The following ITGAM variants were observed in gnomAD, a reference collection of about 807,000 sequenced individuals.
The protein encoded by ITGAM is integrin subunit alpha M.
A neutral mutation model predicts 137.5 loss-of-function variants in ITGAM; 79 were observed. The ratio of observed to expected loss-of-function variants is 0.57; its 90% CI spans 0.48 to 0.69. The LOEUF (loss-of-function observed/expected upper bound fraction) is 0.69. Among genes scored for constraint, ITGAM ranks in the 30% least tolerant of loss-of-function variants. ITGAM has a pLI of 0.00. For missense variants in ITGAM, 1,343 were observed against 1,483.5 expected (o/e 0.91, Z 1.56); for synonymous variants, 583 against 592.3 (o/e 0.98, Z 0.23).
chr16:31,272,457 ATATATATTTTTTTTTT>A (rs2079859459), intron 7 of ITGAM, among the ~76,000 whole-genome samples: 3 of 11,242 alleles, frequency 2.7e-4, no homozygotes, highest in Non-Finnish European at 4.6e-4. Context: ...ATATATATAT[ATATATATTTTTTTTTT>A]TTTTTTTTTT....
chr16:31,328,770 G>A (rs952592872), intron 23 of ITGAM, among the ~76,000 whole-genome samples: 1 of 135,924 alleles, frequency 7.4e-6, no homozygotes, highest in Non-Finnish European at 1.6e-5. Context: ...GCATGCGTGT[G>A]CGCATGGGTG....
At position 31,324,297 on chromosome 16, in the gene ITGAM, C is replaced by A; in HGVS notation, c.2003-102C>A. ...ACTCAGAGAAGTCAGATAACATACC[C>A]CAAGTCACACAGCTGAGAAGCAGAG... On this transcript the variant is annotated intron_variant, in intron 16 of 29. Coordinates refer to ENST00000544665, the MANE Select transcript of ITGAM (RefSeq NM_000632.4). The surrounding 1 kb of genome is among the most constrained non-coding windows in gnomAD (Gnocchi z 4.5). 1 of 933,966 alleles carries A rather than the reference C, an allele frequency of 1.1e-6. No homozygotes were observed. The highest frequency in any genetic ancestry group is 1.6e-6 in the Non-Finnish European group (1 of 611,778). The allele number at this position is 933,966 out of a possible 1,614,324, so 57.9% of individuals were successfully genotyped here. A position where few individuals can be genotyped will look rare whatever the true frequency, so the allele number is the denominator to read the frequency against.
intron 12 of ITGAM, among the ~76,000 whole-genome samples, chr16:31,280,512 G>A (rs2079956897): frequency 6.6e-6 from 1 of 152,162 alleles, no homozygotes. Flanking sequence ...GTGAATGGGA[G>A]TTCACTCATG....
At chr16:31,331,456 G>A (rs1399981376) in intron 29 of ITGAM, 180 bp from the exon 30 acceptor site, 1 of 651,744 alleles carries the variant, frequency 1.5e-6, no homozygotes, top group Non-Finnish European at 2.7e-6. Context: ...CGCTGAGAAC[G>A]AGTCGCCCTC....
At chr16:31,289,838 T>C (rs994693544) in intron 12 of ITGAM, among the ~76,000 whole-genome samples, 22 of 152,196 alleles carry the variant, frequency 1.4e-4, no homozygotes, top group Admixed American at 6.5e-4. Context: ...TCCCAGCACT[T>C]TGGGAGGCCG....
At chr16:31,284,851 A>T (rs1200744707) in intron 12 of ITGAM, among the ~76,000 whole-genome samples, 1 of 152,022 alleles carries the variant, frequency 6.6e-6, no homozygotes, top group African/African-American at 2.4e-5. Context: ...GCCATCTTGG[A>T]ACCTCCTCTG....
Position 31,325,305 on chromosome 16 carries a change from G to A in ITGAM, c.2406G>A (p.Val802=). The change falls in exon 20 of 30, where the codon GTG becomes GTA. Residue 802 remains valine, a synonymous_variant. Transcript: ENST00000544665. ...LVVGGPREFN[V]TVTVRNDGED... is the part of the protein sequence containing the mutation. ...TGGGTGGGCCCCGGGAGTTCAACGT[G>A]ACAGTGACTGTGAGAAATGATGGTG... 1 of 1,613,906 alleles carries A rather than the reference G, an allele frequency of 6.2e-7. No individual in the cohort carries two copies. Among genetic ancestry groups the A allele is most frequent in the Non-Finnish European group, 8.5e-7 (1 of 1,179,822 alleles).
intron 2 of ITGAM, among the ~76,000 whole-genome samples, chr16:31,262,337 A>ATCCTTCCTTCCT (rs71151462): frequency 1.6e-4 from 14 of 89,110 alleles, no homozygotes; most frequent in Admixed American, 2.6e-4. Flanking sequence ...CCTCCCTTCC[A>ATCCTTCCTTCCT]TCCTTCCTTC....
chr16:31,323,810 T>A (rs2080474810), intron 16 of ITGAM, among the ~76,000 whole-genome samples: 1 of 151,924 alleles, frequency 6.6e-6, no homozygotes, highest in African/African-American at 2.4e-5. Context: ...TGGATTACTT[T>A]GAGACCAGCC....
intron 12 of ITGAM, among the ~76,000 whole-genome samples, chr16:31,285,504 G>A (rs113177924): frequency 7.3e-4 from 111 of 152,160 alleles, no homozygotes; most frequent in African/African-American, 2.3e-3. Context: ...GCGTGGTGGC[G>A]TGTGCATCTG....
At chr16:31,286,622 T>C (rs1567259021) in intron 12 of ITGAM, among the ~76,000 whole-genome samples, 1 of 152,238 alleles carries the variant, frequency 6.6e-6, no homozygotes, top group Non-Finnish European at 1.5e-5. Context: ...CTTTTTCAAA[T>C]GTTTTTTGGC....
chr16:31,296,183 C>T (rs1304971545), intron 12 of ITGAM, among the ~76,000 whole-genome samples: 1 of 150,220 alleles, frequency 6.7e-6, no homozygotes. Context: ...CGGCTCACTG[C>T]AAGCTCCACC....
intron 28 of ITGAM, 134 bp from the exon 29 acceptor site, chr16:31,331,031 G>A: frequency 1.6e-6 from 1 of 610,598 alleles, no homozygotes; most frequent in South Asian, 2.0e-5. Flanking sequence ...AGGTGGGGGA[G>A]GAGGACTGAG....
chr16:31,317,711 A>G (rs1022667948), intron 14 of ITGAM, among the ~76,000 whole-genome samples: 4 of 152,210 alleles, frequency 2.6e-5, no homozygotes, highest in Non-Finnish European at 5.9e-5. Flanking sequence ...AATGTGGTGC[A>G]TCACATTTAT....
At chr16:31,330,699 G>C in intron 28 of ITGAM, 94 bp downstream of exon 28, 1 of 842,776 alleles carries the variant, frequency 1.2e-6, no homozygotes, top group East Asian at 2.7e-5. Context: ...AAGAGAGAGG[G>C]AGAGAGAGAG....
In ITGAM at chr16:31,289,418, T is replaced by C. The variant is rs373243163; in HGVS notation, c.1357-8096T>C. ...GGCACATATACACCATGGAATACTA[T>C]GCAGCCATAAAAAAGGATGAGTTCA... On this transcript the variant is annotated intron_variant, in intron 12 of 29. Coordinates refer to ENST00000544665, the MANE Select transcript of ITGAM (RefSeq NM_000632.4). Among the ~76,000 whole-genome samples the C allele has an allele frequency of 2.2e-4, 33 of 152,258 alleles. No individual in the cohort carries two copies. In the East Asian group the frequency reaches 4.6e-3, roughly 21 times the overall value.
intron 14 of ITGAM, among the ~76,000 whole-genome samples, chr16:31,310,862 G>T (rs373741552): frequency 5.9e-5 from 9 of 152,134 alleles, no homozygotes; most frequent in East Asian, 1.9e-4. Flanking sequence ...GTGACGTACA[G>T]ATGGGTTTTT....
At position 31,270,167 on chromosome 16, in the gene ITGAM, C is replaced by CCTTTCCTT. The variant is rs1555464720; in HGVS notation, c.428-786_428-779dup. Among the ~76,000 whole-genome samples, 373 of 38,936 alleles carry CCTTTCCTT rather than the reference C, an allele frequency of 9.6e-3. 5 individuals carry two copies. Among genetic ancestry groups the CCTTTCCTT allele is most frequent in the African/African-American group, 0.024 (345 of 14,406 alleles). 25.5% of individuals were successfully genotyped at this position (38,936 alleles called of 152,430 possible). On this transcript the variant is annotated intron_variant, in intron 5 of 29. Transcript: ENST00000544665. ...CCTTTCCTTTCCTTTCCTTTCCTTT[C>CCTTTCCTT]CTTTCCTTTCCTTTCCTTTCCTTTT...
chr16:31,263,209 G>A (rs1228939602), intron 2 of ITGAM, among the ~76,000 whole-genome samples: 1 of 152,158 alleles, frequency 6.6e-6, no homozygotes, highest in African/African-American at 2.4e-5. Flanking sequence ...CCAAAGTGCT[G>A]GGATTACAGG....
Sources: allele counts gnomAD v4.1 joint callset (sites outside exome capture counted in the v4.1 genomes callset), GRCh38; gene constraint gnomAD v4.1.1; non-coding constraint Gnocchi (gnomAD v3.1); transcripts MANE v1.5; gene names NCBI Gene and HGNC (gene_info 2026-07-23, HGNC 2026-07-21).